Variants in ABCA12 observed in about 807,000 individuals in gnomAD.
ABCA12 encodes the protein ATP binding cassette subfamily A member 12, also known as glucosylceramide transporter ABCA12.
Under a neutral mutation model 293.5 loss-of-function variants are expected in ABCA12, and 156 were observed. The observed-to-expected ratio is 0.53, with a 90% CI of 0.47 to 0.61. The LOEUF (loss-of-function observed/expected upper bound fraction) is 0.61. Ranked by LOEUF, ABCA12 falls within the 20% of genes least tolerant of loss-of-function variation. ABCA12 has a pLI of 0.00. For missense variants in ABCA12, 2,797 were observed against 3,090.2 expected (o/e 0.91, Z 2.25); for synonymous variants, 1,063 against 1,108.0 (o/e 0.96, Z 0.81).
intron 7 of ABCA12, among the ~76,000 whole-genome samples, chr2:215,037,750 A>G (rs759244198): frequency 3.9e-5 from 6 of 152,208 alleles, no homozygotes; most frequent in African/African-American, 7.2e-5. Flanking sequence ...GGAAAACGCA[A>G]TTAGTTTCTC....
chr2:214,932,679 A>T lies in ABCA12; in HGVS notation c.7743T>A (p.Gly2581=), dbSNP rs768783231. 6.2e-7 allele frequency: 1 copy of T among 1,613,644 alleles called. No individual in the cohort carries two copies. The highest frequency in any genetic ancestry group is 8.5e-7 in the Non-Finnish European group (1 of 1,179,758). Residue 2581 remains glycine, a synonymous_variant, in exon 53 of 53, where the codon GGT becomes GGA. Coordinates refer to ENST00000272895, the MANE Select transcript of ABCA12 (RefSeq NM_173076.3). ...CTTGTGAGTCAACACTTATAGTGGA[A>T]CCTTGGCTGCTGGTATCAGCAGTTT... ...SYETADTSSQ[G]STISVDSQDD...
At chr2:214,970,461 A>C in intron 36 of ABCA12, 61 bp from the exon 37 acceptor site, 1 of 1,584,562 alleles carries the variant, frequency 6.3e-7, no homozygotes, top group Non-Finnish European at 8.7e-7. Context: ...TTAAATAGAC[A>C]ATGTCAAGGA....
intron 1 of ABCA12, among the ~76,000 whole-genome samples, chr2:215,115,028 T>C (rs1236581137): frequency 6.6e-6 from 1 of 152,212 alleles, no homozygotes; most frequent in Non-Finnish European, 1.5e-5. Flanking sequence ...GATGATTTCA[T>C]GAGGATGTTT....
chr2:215,092,020 TCTGA>T (rs1702158316), intron 2 of ABCA12, among the ~76,000 whole-genome samples: 1 of 152,196 alleles, frequency 6.6e-6, no homozygotes, highest in East Asian at 1.9e-4. Flanking sequence ...CCCAAAGCTC[TCTGA>T]CTGACTCCTT....
Position 214,936,567 on chromosome 2 carries a change from T to C in ABCA12, c.7542+943A>G, listed in dbSNP as rs143143014. On this transcript the variant is annotated intron_variant, in intron 51 of 52. Transcript: ENST00000272895. ...TCAAAGATGTAATAATGACAAATTT[T>C]CCTGTCAAGTACATTTATTTTAATT... Among the ~76,000 whole-genome samples, 363 of 152,352 alleles carry C rather than the reference T, an allele frequency of 2.4e-3. 2 individuals are homozygous for C. The highest frequency in any genetic ancestry group is 8.1e-3 in the African/African-American group (336 of 41,586).
intron 23 of ABCA12, among the ~76,000 whole-genome samples, chr2:214,997,062 G>A (rs1170217305): frequency 6.6e-6 from 1 of 152,120 alleles, no homozygotes; most frequent in Non-Finnish European, 1.5e-5. Flanking sequence ...TTTTGGATTT[G>A]GGGTTAATGA....
At chr2:215,080,140 G>T (rs1359278846) in intron 2 of ABCA12, among the ~76,000 whole-genome samples, 1 of 152,012 alleles carries the variant, frequency 6.6e-6, no homozygotes, top group African/African-American at 2.4e-5. Flanking sequence ...GGAAAATAAG[G>T]TATATTATTA....
At chr2:214,977,533 G>A (rs1376487991) in intron 33 of ABCA12, among the ~76,000 whole-genome samples, 1 of 152,114 alleles carries the variant, frequency 6.6e-6, no homozygotes, top group African/African-American at 2.4e-5. Context: ...CTGTTGAAAT[G>A]ACTACTCCAT....
chr2:215,074,500 C>A (rs1369625630), intron 2 of ABCA12, among the ~76,000 whole-genome samples: 1 of 151,886 alleles, frequency 6.6e-6, no homozygotes, highest in African/African-American at 2.4e-5. Context: ...TGAGAACAAA[C>A]AAGGATAGGA....
chr2:215,119,523 G>A (rs2105906483), intron 1 of ABCA12, among the ~76,000 whole-genome samples: 1 of 151,898 alleles, frequency 6.6e-6, no homozygotes, highest in African/African-American at 2.4e-5. Context: ...TTCTGCATAT[G>A]GCTGGTCAGT....
intron 3 of ABCA12, 26 bp downstream of exon 3, chr2:215,064,040 T>C (rs1352630843): frequency 3.7e-6 from 6 of 1,612,118 alleles, no homozygotes; most frequent in African/African-American, 1.3e-5. Context: ...TCAGAACAAT[T>C]GAACACACTT....
intron 2 of ABCA12, among the ~76,000 whole-genome samples, chr2:215,109,579 G>A (rs145324427): frequency 2.3e-3 from 350 of 152,230 alleles, no homozygotes; most frequent in African/African-American, 7.3e-3. Flanking sequence ...TATGATAATA[G>A]GTCCATAGCA....
chr2:214,999,115 AT>A (rs561982938), intron 22 of ABCA12, among the ~76,000 whole-genome samples: 1 of 151,764 alleles, frequency 6.6e-6, no homozygotes, highest in East Asian at 1.9e-4. Flanking sequence ...GCCATATTCC[AT>A]TTTTTTTGTT....
At chr2:215,031,625 T>G (rs4672744) in intron 9 of ABCA12, among the ~76,000 whole-genome samples, 196 bp downstream of exon 9, 152,294 of 152,378 alleles carry the variant, frequency 1, 76,105 homozygotes, top group Non-Finnish European at 1. Context: ...GTGCAATGCT[T>G]AAATATCATT....
rs761068277 is a variant in ABCA12 at position 214,945,067 on chromosome 2, C to T, written c.7277G>A (p.Arg2426Gln). The change falls in exon 49 of 53, where the codon CGG (arginine) becomes CAG (glutamine). Residue 2426 changes from arginine (R) to glutamine (Q), a missense_variant. Around this residue, in one of 3 missense-constraint regions of ABCA12, gnomAD observed 2,130 missense variants for 2,427.0 expected, o/e 0.88. Transcript: ENST00000272895. ...TTCTGAAATGATCTTCCAGAGGTGC[C>T]GTTTCGACTTCGGATCCATGCCAGA... The part of the protein sequence containing the change: ...PSSGMDPKSK[R>Q]HLWKIISEEV... 3.7e-6 allele frequency: 6 copies of T among 1,613,612 alleles called. No homozygotes were observed. The highest frequency in any genetic ancestry group is 2.2e-5 in the East Asian group (1 of 44,850).
chr2:214,939,007 G>A (rs1698311044), intron 50 of ABCA12, among the ~76,000 whole-genome samples: 1 of 152,098 alleles, frequency 6.6e-6, no homozygotes, highest in African/African-American at 2.4e-5. Context: ...ATTGCTTTTG[G>A]TGTTTTAGTC....
chr2:215,120,180 T>G (rs1480403037), intron 1 of ABCA12, among the ~76,000 whole-genome samples: 2 of 152,050 alleles, frequency 1.3e-5, no homozygotes. Context: ...AACAGAAAAC[T>G]AAATACTCTC....
At chr2:215,036,412 T>A (rs1040193789) in intron 8 of ABCA12, among the ~76,000 whole-genome samples, 1 of 152,204 alleles carries the variant, frequency 6.6e-6, no homozygotes, top group African/African-American at 2.4e-5. Flanking sequence ...TTAACCAAAC[T>A]TGGCAAGTAG....
intron 51 of ABCA12, 62 bp from the exon 52 acceptor site, chr2:214,934,277 C>T (rs1479377271): frequency 4.4e-6 from 7 of 1,582,570 alleles, no homozygotes; most frequent in Non-Finnish European, 5.2e-6. Flanking sequence ...CATGACTAGA[C>T]ATAACTTTAC....
Sources: allele counts gnomAD v4.1 joint callset (sites outside exome capture counted in the v4.1 genomes callset), GRCh38; gene constraint gnomAD v4.1.1; regional missense constraint gnomAD v4.1.1; transcripts MANE v1.5; gene names NCBI Gene and HGNC (gene_info 2026-07-23, HGNC 2026-07-21).